DDX60L: variants seen among roughly 807,000 people sequenced by gnomAD.
DDX60L encodes DExD/H-box 60 like, also known as probable ATP-dependent RNA helicase DDX60-like.
In DDX60L, 191 loss-of-function variants were observed where a neutral mutation model predicts 211.6. The observed-to-expected ratio is 0.90, with a 90% confidence interval of 0.80 to 1.02. The LOEUF (loss-of-function observed/expected upper bound fraction) is 1.02. Among genes scored for constraint, DDX60L ranks in the 50% least tolerant of loss-of-function variants. The pLI, the probability that DDX60L is intolerant of heterozygous loss-of-function variation, is 0.00. For missense variants in DDX60L, 2,007 were observed against 1,984.1 expected, an observed-to-expected ratio of 1.01 and a Z score of -0.22; for synonymous variants, 706 against 694.1, an observed-to-expected ratio of 1.02 and a Z score of -0.27.
chr4:168,399,399 G>A (rs977937553), intron 26 of DDX60L, among the ~76,000 whole-genome samples: 1 of 152,254 alleles, frequency 6.6e-6, no homozygotes, highest in African/African-American at 2.4e-5. Flanking sequence ...CTTGCAGTAC[G>A]CCTGGTCCAG....
At chr4:168,473,817 T>C (rs1759124607) in intron 1 of DDX60L, among the ~76,000 whole-genome samples, 2 of 152,156 alleles carry the variant, frequency 1.3e-5, no homozygotes, top group Admixed American at 1.3e-4. Flanking sequence ...TCTTAGGAGG[T>C]GATTCTGGGA....
In DDX60L at chr4:168,416,663, T is replaced by C; in HGVS notation, c.2726+19A>G. ...CAACCACTGAATATATAACAACCACTCTTTTTACCTATACCTACTTGGTGA... is the reference window on the plus strand; with the variant it reads ...CAACCACTGAATATATAACAACCACCCTTTTTACCTATACCTACTTGGTGA... On this transcript the variant is annotated intron_variant, in intron 20 of 37. Transcript: ENST00000682922. 1 of 1,489,002 alleles carries C rather than the reference T, an allele frequency of 6.7e-7. No homozygotes were observed. The highest frequency in any genetic ancestry group is 9.2e-7 in the Non-Finnish European group (1 of 1,090,998). 92.2% of individuals were successfully genotyped at this position (1,489,002 alleles called of 1,614,324 possible). A position where few individuals can be genotyped will look rare whatever the true frequency, so the allele number is the denominator to read the frequency against.
rs754516319 is a variant in DDX60L, at chr4:168,471,793, A to G, written c.218T>C (p.Val73Ala). 6.2e-7 allele frequency: 1 copy of G among 1,612,288 alleles called. No homozygotes were observed. Among genetic ancestry groups the G allele is most frequent in the Non-Finnish European group, 8.5e-7 (1 of 1,179,616 alleles). Residue 73 changes from valine (V) to alanine (A), a missense_variant, in exon 4 of 38, where the codon GTG becomes GCG. Transcript: ENST00000682922. ...TTGTCCTCCGTTACTCAGAAGATCC[A>G]CAAGATAGCATTCAACCAGATAGAA... is the stretch of plus-strand genomic sequence containing the variant. ...HFFYLVECYL[V>A]DLLSNGGQFT...
chr4:168,418,754 C>T (rs1182741347), intron 19 of DDX60L, among the ~76,000 whole-genome samples: 3 of 152,218 alleles, frequency 2.0e-5, no homozygotes, highest in Non-Finnish European at 2.9e-5. Context: ...CTACACCATT[C>T]GCCACCTTCC....
At chr4:168,411,668 C>G (rs1335770177) in intron 22 of DDX60L, among the ~76,000 whole-genome samples, 4 of 152,132 alleles carry the variant, frequency 2.6e-5, no homozygotes, top group Non-Finnish European at 5.9e-5. Flanking sequence ...GCCTAGGCCA[C>G]AAGGACTACA....
intron 28 of DDX60L, 33 bp from the exon 29 acceptor site, chr4:168,391,677 A>T (rs368203469): frequency 1.7e-6 from 2 of 1,153,506 alleles, no homozygotes; most frequent in Admixed American, 5.1e-5. Context: ...GTCAATACAC[A>T]ATATAGCATA....
intron 29 of DDX60L, among the ~76,000 whole-genome samples, chr4:168,385,794 TCAGAGG>T (rs1276335442): frequency 6.6e-6 from 1 of 152,184 alleles, no homozygotes; most frequent in East Asian, 1.9e-4. Context: ...TTGCTCATAT[TCAGAGG>T]CAGAGTCATT....
chr4:168,415,680 T>C lies in DDX60L; in HGVS notation c.2846A>G (p.Asn949Ser). ...LNFLQDHSYKNQSYEVRLVLC... is the reference protein window; with the variant it reads ...LNFLQDHSYKSQSYEVRLVLC... Reference sequence around the variant, plus strand: ...ACCAAGTCTAACTTCATATGATTGATTTTTATATGAATGGTCTTGGAGAAA... The same window carrying C: ...ACCAAGTCTAACTTCATATGATTGACTTTTATATGAATGGTCTTGGAGAAA... Residue 949 changes from asparagine (N) to serine (S), a missense_variant, in exon 21 of 38, where the codon AAT becomes AGT. Transcript: ENST00000682922. 1 of 1,594,912 alleles carries C rather than the reference T, an allele frequency of 6.3e-7. No individual in the cohort carries two copies. Among genetic ancestry groups the C allele is most frequent in the East Asian group, 2.3e-5 (1 of 44,332 alleles).
At chr4:168,477,915 G>C (rs141950286) in intron 1 of DDX60L, among the ~76,000 whole-genome samples, 261 of 152,274 alleles carry the variant, frequency 1.7e-3, no homozygotes, top group African/African-American at 5.8e-3. Context: ...GAACTGGGTG[G>C]TATGAAAGCA....
intron 14 of DDX60L, among the ~76,000 whole-genome samples, chr4:168,424,589 A>G (rs1340643911): frequency 6.6e-6 from 1 of 152,204 alleles, no homozygotes; most frequent in Non-Finnish European, 1.5e-5. Flanking sequence ...GAAACAGATC[A>G]GTAAAATATC....
chr4:168,475,225 T>A (rs891270225), intron 1 of DDX60L, among the ~76,000 whole-genome samples: 1 of 152,190 alleles, frequency 6.6e-6, no homozygotes, highest in Non-Finnish European at 1.5e-5. Flanking sequence ...GTTGTCAAGA[T>A]AAAATGTGTT....
rs140516868 is a variant in DDX60L at position 168,452,388 on chromosome 4, G to C, written c.996+736C>G. On this transcript the variant is annotated intron_variant, in intron 8 of 37. Transcript: ENST00000682922. ...TCCTAATGTCCCTTTATAGAGGTAT[G>C]ATTAAGTAAACTACAATACAATCAC... Among the ~76,000 whole-genome samples, 1,300 of 152,294 alleles carry C rather than the reference G, an allele frequency of 8.5e-3. 8 individuals are homozygous for C. Among genetic ancestry groups the C allele is most frequent in the Middle Eastern group, 0.017 (5 of 294 alleles).
rs1760276849 is a variant in DDX60L, at chr4:168,480,376, C to T, written c.-111+1G>A. The T allele has an allele frequency of 6.6e-6, 1 of 152,522 alleles. No individual in the cohort carries two copies. Among genetic ancestry groups the T allele is most frequent in the South Asian group, 2.1e-4 (1 of 4,834 alleles). 9.4% of individuals were successfully genotyped at this position (152,522 alleles called of 1,614,324 possible). Reference sequence around the variant, plus strand: ...CACCCGACGTCACCCGCAATCCTCACCCCGGCCGCCGAACCTGCTAGGTCC... The same window carrying T: ...CACCCGACGTCACCCGCAATCCTCATCCCGGCCGCCGAACCTGCTAGGTCC... On this transcript the variant is annotated splice_donor_variant, in intron 1 of 37. Transcript: ENST00000682922. LOFTEE classifies it low-confidence loss of function (5UTR_SPLICE).
rs945956823 is a variant in DDX60L, at chr4:168,420,259, A to G, written c.2514+2T>C. The G allele has an allele frequency of 1.9e-6, 3 of 1,580,904 alleles. No individual in the cohort carries two copies. The African/African-American group carries it at 4.1e-5, about 22-fold the overall frequency. On this transcript the variant is annotated splice_donor_variant, in intron 18 of 37. Transcript: ENST00000682922. LOFTEE classifies it high-confidence loss of function. ...ATAAACTCATTAATTAATATGTCAT[A>G]CCTGACAGTTTAGTACATTGTGACA...
intron 22 of DDX60L, among the ~76,000 whole-genome samples, chr4:168,407,627 T>A (rs1747978435): frequency 6.6e-6 from 1 of 152,212 alleles, no homozygotes; most frequent in Admixed American, 6.5e-5. Flanking sequence ...GGACAGGATA[T>A]CACACTTCTC....
intron 34 of DDX60L, 48 bp from the exon 35 acceptor site, chr4:168,373,856 A>T: frequency 2.5e-6 from 4 of 1,585,814 alleles, no homozygotes; most frequent in Non-Finnish European, 3.4e-6. Context: ...ATCAGCCCAA[A>T]TGTTAACCCT....
At chr4:168,387,399 A>G (rs2149707500) in intron 29 of DDX60L, among the ~76,000 whole-genome samples, 1 of 152,336 alleles carries the variant, frequency 6.6e-6, no homozygotes, top group East Asian at 1.9e-4. Context: ...AGAAAGGAAG[A>G]AGTTTGAATC....
At chr4:168,479,783 C>G (rs1237862121) in intron 1 of DDX60L, among the ~76,000 whole-genome samples, 2 of 149,996 alleles carry the variant, frequency 1.3e-5, no homozygotes, top group East Asian at 2.0e-4. Flanking sequence ...CCTGGCCTAA[C>G]ATGGTGAAAC....
chr4:168,405,873 T>G (rs1474969014), intron 24 of DDX60L, 77 bp downstream of exon 24: 1 of 1,415,536 alleles, frequency 7.1e-7, no homozygotes, highest in Non-Finnish European at 9.3e-7. Flanking sequence ...TACAAAACAT[T>G]TATTGGCTAA....
Sources: allele counts gnomAD v4.1 joint callset (sites outside exome capture counted in the v4.1 genomes callset), GRCh38; gene constraint gnomAD v4.1.1; transcripts MANE v1.5; gene names NCBI Gene and HGNC (gene_info 2026-07-23, HGNC 2026-07-21).